SLC24A2: variants seen among roughly 807,000 people sequenced by gnomAD.
SLC24A2 encodes the protein solute carrier family 24 member 2, also known as sodium/potassium/calcium exchanger 2.
A neutral mutation model predicts 62.0 loss-of-function variants in SLC24A2; 36 were observed. The ratio of observed to expected loss-of-function variants is 0.58; its 90% confidence interval spans 0.44 to 0.77. The LOEUF is 0.77. Among genes scored for constraint, SLC24A2 ranks in the 30% least tolerant of loss-of-function variants. SLC24A2 has a pLI of 0.00. For synonymous variants in SLC24A2, 358 were observed against 294.0 expected (o/e 1.22, Z -2.23); for missense variants, 846 against 817.9 (o/e 1.03, Z -0.42).
intron 2 of SLC24A2, among the ~76,000 whole-genome samples, chr9:19,752,465 C>T (rs530655064): frequency 9.3e-4 from 140 of 150,590 alleles, no homozygotes; most frequent in African/African-American, 3.1e-3. Flanking sequence ...TCTGTCAAAG[C>T]GATCATCATG....
At chr9:20,094,978 AG>A in the SLC24A2 span, among the ~76,000 whole-genome samples, 1 of 152,170 alleles carries the variant, frequency 6.6e-6, no homozygotes, top group Non-Finnish European at 1.5e-5. Flanking sequence ...TATCTGAAAA[AG>A]CTATTAAAAA....
chr9:19,554,225 G>C (rs1834974898), intron 7 of SLC24A2, among the ~76,000 whole-genome samples: 1 of 152,162 alleles, frequency 6.6e-6, no homozygotes. Context: ...GGCCTCTGAG[G>C]AAACCAACCC....
chr9:20,124,973 C>G, the SLC24A2 span, among the ~76,000 whole-genome samples: 106 of 152,248 alleles, frequency 7.0e-4, 1 homozygote, highest in Non-Finnish European at 1.8e-4. Flanking sequence ...CATGGACAAA[C>G]AATAGATCTA....
At chr9:19,893,856 C>T in the SLC24A2 span, among the ~76,000 whole-genome samples, 67 of 152,236 alleles carry the variant, frequency 4.4e-4, 2 homozygotes, top group African/African-American at 1.3e-3. Flanking sequence ...CTCTGCCATC[C>T]GCCACACAGG....
the SLC24A2 span, among the ~76,000 whole-genome samples, chr9:20,023,905 G>A: frequency 6.6e-6 from 1 of 152,212 alleles, no homozygotes; most frequent in Non-Finnish European, 1.5e-5. Context: ...TTAAGGCCCT[G>A]TGGACATCCT....
chr9:20,011,995 G>A, the SLC24A2 span, among the ~76,000 whole-genome samples: 4 of 151,954 alleles, frequency 2.6e-5, no homozygotes, highest in African/African-American at 9.7e-5. Context: ...ACCTTCTCAT[G>A]ATAAAAACTT....
At chr9:20,130,523 GGTT>G in the SLC24A2 span, among the ~76,000 whole-genome samples, 1 of 151,782 alleles carries the variant, frequency 6.6e-6, no homozygotes, top group African/African-American at 2.4e-5. Flanking sequence ...AAAGGCTTTG[GGTT>G]GTTTAAAAAA....
chr9:19,874,075 CTTTTTTTTTTTT>C, the SLC24A2 span, among the ~76,000 whole-genome samples: 9 of 107,304 alleles, frequency 8.4e-5, no homozygotes, highest in Non-Finnish European at 1.7e-4. Flanking sequence ...CTTTTCTTTT[CTTTTTTTTTTTT>C]TTTTTTTTTT....
chr9:19,616,817 AC>A (rs1817780304), intron 4 of SLC24A2, among the ~76,000 whole-genome samples: 1 of 152,128 alleles, frequency 6.6e-6, no homozygotes, highest in South Asian at 2.1e-4. Context: ...AGGATTGGGA[AC>A]CCTGATTTAT....
chr9:19,552,368 C>T (rs959862380), intron 7 of SLC24A2, among the ~76,000 whole-genome samples: 2 of 152,194 alleles, frequency 1.3e-5, no homozygotes, highest in African/African-American at 4.8e-5. Flanking sequence ...GGTATATTTT[C>T]CTGTCTGTTC....
chr9:19,578,407 G>A (rs1004087337), intron 5 of SLC24A2, among the ~76,000 whole-genome samples: 3 of 146,110 alleles, frequency 2.1e-5, no homozygotes, highest in African/African-American at 7.6e-5. Flanking sequence ...TAGGGAAACA[G>A]CACATTCCTC....
At chr9:19,706,641 G>T (rs1820531599) in intron 2 of SLC24A2, among the ~76,000 whole-genome samples, 1 of 152,094 alleles carries the variant, frequency 6.6e-6, no homozygotes, top group Admixed American at 6.5e-5. Flanking sequence ...GCCTCCCAAA[G>T]TGCTGGGATT....
intron 2 of SLC24A2, among the ~76,000 whole-genome samples, chr9:19,697,180 G>T (rs12376153): frequency 0.014 from 2,170 of 152,168 alleles, 24 homozygotes; most frequent in Non-Finnish European, 0.024. Flanking sequence ...TGCATCAATG[G>T]CTATTGAAAT....
the SLC24A2 span, among the ~76,000 whole-genome samples, chr9:20,113,928 G>C: frequency 6.6e-6 from 1 of 152,154 alleles, no homozygotes; most frequent in African/African-American, 2.4e-5. Context: ...CAGGCAGCTT[G>C]GGATAGCAAT....
the SLC24A2 span, among the ~76,000 whole-genome samples, chr9:20,247,412 G>T: frequency 6.6e-6 from 1 of 152,122 alleles, no homozygotes; most frequent in Admixed American, 6.5e-5. Flanking sequence ...CACCCCTAAG[G>T]TGATGGCATT....
chr9:19,792,536 C>CAAAA (rs1165695410), upstream of SLC24A2, among the ~76,000 whole-genome samples: 5 of 74,612 alleles, frequency 6.7e-5, no homozygotes, highest in East Asian at 4.3e-4. Context: ...ACTAAAAATA[C>CAAAA]AAAAAAAAAA....
the SLC24A2 span, among the ~76,000 whole-genome samples, chr9:20,196,613 G>C: frequency 6.6e-6 from 1 of 152,066 alleles, no homozygotes; most frequent in Non-Finnish European, 1.5e-5. Flanking sequence ...CCTACAGTTT[G>C]CCATTTTCTT....
At chr9:20,224,147 G>C in the SLC24A2 span, among the ~76,000 whole-genome samples, 1 of 151,990 alleles carries the variant, frequency 6.6e-6, no homozygotes, top group African/African-American at 2.4e-5. Flanking sequence ...GATGAGATTT[G>C]GGTGGGGACA....
chr9:19,668,868 A>T (rs1036754141), intron 2 of SLC24A2, among the ~76,000 whole-genome samples: 2 of 152,162 alleles, frequency 1.3e-5, no homozygotes, highest in Non-Finnish European at 2.9e-5. Context: ...TTTTTCTGTG[A>T]CCATAGCCCC....
Sources: gnomAD v4.1 joint callset for allele counts (sites outside exome capture counted in the v4.1 genomes callset) on GRCh38, gnomAD v4.1.1 for gene constraint, MANE v1.5 for transcripts, NCBI Gene and HGNC (gene_info 2026-07-23, HGNC 2026-07-21) for gene names.